The following PTPRD variants were observed in gnomAD, a reference collection of about 807,000 sequenced individuals.
The protein encoded by PTPRD is receptor-type tyrosine-protein phosphatase delta.
PTPRD carries 34 observed loss-of-function variants against 214.5 expected under a neutral mutation model. The observed-to-expected ratio is 0.16, with a 90% CI of 0.12 to 0.21. The LOEUF is 0.21. Among genes scored for constraint, PTPRD ranks in the 10% least tolerant of loss-of-function variants. PTPRD has a pLI of 1.00. For synonymous variants in PTPRD, 1,128 were observed against 845.7 expected (o/e 1.33, Z -5.79); for missense variants, 2,545 against 2,398.7 (o/e 1.06, Z -1.27).
At chr9:8,770,557 A>G (rs1004269405) in intron 11 of PTPRD, among the ~76,000 whole-genome samples, 4 of 152,182 alleles carry the variant, frequency 2.6e-5, no homozygotes, top group African/African-American at 9.6e-5. Flanking sequence ...CAATCCCTCT[A>G]GGAAACTGAC....
chr9:9,824,610 T>G (rs2052029647), intron 5 of PTPRD, among the ~76,000 whole-genome samples: 1 of 152,006 alleles, frequency 6.6e-6, no homozygotes, highest in African/African-American at 2.4e-5. Context: ...TGAGACCTAG[T>G]CTTTCTTACA....
chr9:9,797,554 T>A (rs914874730), intron 5 of PTPRD, among the ~76,000 whole-genome samples: 1 of 151,988 alleles, frequency 6.6e-6, no homozygotes, highest in Non-Finnish European at 1.5e-5. Flanking sequence ...AAAAGGATCG[T>A]CTTCTGTCAG....
At chr9:9,425,312 C>G (rs924135730) in intron 8 of PTPRD, among the ~76,000 whole-genome samples, 3 of 150,908 alleles carry the variant, frequency 2.0e-5, no homozygotes, top group African/African-American at 7.3e-5. Flanking sequence ...ATAAACCTAA[C>G]AAACTTTGAT....
chr9:10,538,823 A>C (rs1009200736), intron 2 of PTPRD, among the ~76,000 whole-genome samples: 1 of 152,082 alleles, frequency 6.6e-6, no homozygotes, highest in African/African-American at 2.4e-5. Flanking sequence ...ATAATTGAAA[A>C]CCCTGATAAA....
At position 8,995,857 on chromosome 9, in the gene PTPRD, T is replaced by A. The variant is rs142085478; in HGVS notation, c.-104+22840A>T. Reference sequence around the variant, plus strand: ...TGAGCTGAGGGGCAAACTGACACAATGTGACATTACAGAAAAAGTTCAAAG... The same window carrying A: ...TGAGCTGAGGGGCAAACTGACACAAAGTGACATTACAGAAAAAGTTCAAAG... On this transcript the variant is annotated intron_variant, in intron 11 of 45. Coordinates refer to ENST00000381196, the MANE Select transcript of PTPRD (RefSeq NM_002839.4). 6.6e-5 allele frequency among the ~76,000 whole-genome samples: 10 copies of A among 152,196 alleles called. No individual in the cohort carries two copies. In the South Asian group the frequency reaches 1.9e-3, roughly 28 times the overall value.
At chr9:8,709,184 T>C (rs1055554060) in intron 12 of PTPRD, among the ~76,000 whole-genome samples, 4 of 152,054 alleles carry the variant, frequency 2.6e-5, no homozygotes, top group African/African-American at 9.7e-5. Flanking sequence ...CTGTACAACA[T>C]GGTGACTACA....
At chr9:8,348,160 T>C (rs1438696227) in intron 39 of PTPRD, among the ~76,000 whole-genome samples, 1 of 152,156 alleles carries the variant, frequency 6.6e-6, no homozygotes, top group African/African-American at 2.4e-5. Flanking sequence ...TTTTCCATTT[T>C]AGGGACTGGC....
intron 11 of PTPRD, among the ~76,000 whole-genome samples, chr9:8,916,666 T>C (rs1176536922): frequency 1.3e-5 from 2 of 152,172 alleles, no homozygotes; most frequent in Non-Finnish European, 2.9e-5. Flanking sequence ...CTTAATATAA[T>C]CAAAAGTAGC....
At chr9:10,334,610 G>A (rs2096811472) in intron 3 of PTPRD, among the ~76,000 whole-genome samples, 1 of 151,484 alleles carries the variant, frequency 6.6e-6, no homozygotes, top group African/African-American at 2.4e-5. Context: ...TGAGAAGGAA[G>A]AAATAAAACC....
At chr9:8,392,332 G>A (rs538684025) in intron 36 of PTPRD, among the ~76,000 whole-genome samples, 88 of 152,040 alleles carry the variant, frequency 5.8e-4, no homozygotes, top group African/African-American at 2.0e-3. Context: ...TGACAAGTCT[G>A]GGCAACATGG....
At chr9:9,601,145 GTGTGTA>G (rs1463313823) in intron 7 of PTPRD, among the ~76,000 whole-genome samples, 1 of 117,638 alleles carries the variant, frequency 8.5e-6, no homozygotes, top group African/African-American at 4.0e-5. Context: ...GTGTGTGTGT[GTGTGTA>G]TGGGGGGGGG....
chr9:9,970,872 A>G (rs1318451741), intron 4 of PTPRD, among the ~76,000 whole-genome samples: 1 of 152,202 alleles, frequency 6.6e-6, no homozygotes, highest in Non-Finnish European at 1.5e-5. Flanking sequence ...GCTAATTTAG[A>G]CAATCTGCTT....
chr9:10,194,345 TAGAGAGAGAG>T (rs1182799154), intron 3 of PTPRD, among the ~76,000 whole-genome samples: 247 of 39,550 alleles, frequency 6.2e-3, no homozygotes, highest in African/African-American at 8.4e-3. Context: ...TATATATATA[TAGAGAGAGAG>T]AGAGAGAGAG....
intron 5 of PTPRD, among the ~76,000 whole-genome samples, chr9:9,780,159 G>C (rs1597588769): frequency 6.6e-6 from 1 of 152,130 alleles, no homozygotes; most frequent in African/African-American, 2.4e-5. Context: ...CACAGAACAA[G>C]AAAGCCAAAT....
At chr9:8,676,823 C>T (rs1220270848) in intron 12 of PTPRD, among the ~76,000 whole-genome samples, 2 of 152,202 alleles carry the variant, frequency 1.3e-5, no homozygotes, top group African/African-American at 4.8e-5. Context: ...ATCCACCCGC[C>T]TTGGCCTCCC....
chr9:10,356,095 A>G (rs894436653), intron 2 of PTPRD, among the ~76,000 whole-genome samples: 5 of 151,668 alleles, frequency 3.3e-5, no homozygotes, highest in Admixed American at 2.6e-4. Flanking sequence ...GGAGCTTTAA[A>G]TAAAAGAGAA....
intron 8 of PTPRD, among the ~76,000 whole-genome samples, chr9:9,565,981 T>C (rs2084395283): frequency 6.6e-6 from 1 of 152,006 alleles, no homozygotes; most frequent in East Asian, 1.9e-4. Flanking sequence ...CAGATGGATT[T>C]ATAAATATGC....
At chr9:8,442,339 A>G (rs1216513000) in intron 34 of PTPRD, among the ~76,000 whole-genome samples, 1 of 151,854 alleles carries the variant, frequency 6.6e-6, no homozygotes, top group Non-Finnish European at 1.5e-5. Context: ...CACTTGCTCT[A>G]TTTTCATATT....
At chr9:8,760,167 G>T (rs1166765840) in intron 11 of PTPRD, among the ~76,000 whole-genome samples, 2 of 152,162 alleles carry the variant, frequency 1.3e-5, no homozygotes, top group Non-Finnish European at 2.9e-5. Context: ...CTGACCTCAG[G>T]TGATCCACCC....
Sources: gnomAD v4.1 joint callset for allele counts (sites outside exome capture counted in the v4.1 genomes callset) on GRCh38, gnomAD v4.1.1 for gene constraint, MANE v1.5 for transcripts, NCBI Gene and HGNC (gene_info 2026-07-23, HGNC 2026-07-21) for gene names.